SLC4A3: variants seen among roughly 807,000 people sequenced by gnomAD.
The protein encoded by SLC4A3 is solute carrier family 4 member 3, also known as anion exchange protein 3.
Under a neutral mutation model 114.2 loss-of-function variants are expected in SLC4A3, and 47 were observed. That is an observed-to-expected ratio of 0.41 (90% confidence interval 0.33 to 0.52). The LOEUF is 0.52. Ranked by LOEUF, SLC4A3 falls within the 20% of genes least tolerant of loss-of-function variation. The probability of loss-of-function intolerance (pLI) is 0.21; values close to 1 mark genes in which losing one functional copy is unlikely to be tolerated. For synonymous variants in SLC4A3, 693 were observed against 710.3 expected, an observed-to-expected ratio of 0.98 and a Z score of 0.39; for missense variants, 1,312 against 1,668.3, an observed-to-expected ratio of 0.79 and a Z score of 3.72.
chr2:219,640,722 C>T, intron 21 of SLC4A3, 67 bp from the exon 22 acceptor site: 2 of 1,578,934 alleles, frequency 1.3e-6, no homozygotes, highest in African/African-American at 1.3e-5. Context: ...GCCAAATTCC[C>T]CACGATGTGG....
rs1257872595 is a variant in SLC4A3, at chr2:219,631,635, C to T, written c.812-333C>T. Among the ~76,000 whole-genome samples the T allele has an allele frequency of 6.6e-6, 1 of 152,054 alleles. No homozygotes were observed. The highest frequency in any genetic ancestry group is 1.5e-5 in the Non-Finnish European group (1 of 67,994). On this transcript the variant is annotated intron_variant, in intron 6 of 22. Transcript: ENST00000358055. The surrounding 1 kb of genome is among the most constrained non-coding windows in gnomAD (Gnocchi z 6.3). The stretch of plus-strand genomic sequence containing the variant: ...GGCTCAGTGCCTGGGGACTCTGACT[C>T]AGTGCCTGTCATGGGACCCAGATGG...
At position 219,631,990 on chromosome 2, in the gene SLC4A3, T is replaced by C. The variant is rs1379824714; in HGVS notation, c.834T>C (p.Pro278=). The C allele has an allele frequency of 1.9e-6, 3 of 1,611,008 alleles. No individual in the cohort carries two copies. The highest frequency in any genetic ancestry group is 2.5e-6 in the Non-Finnish European group (3 of 1,178,814). Residue 278 remains proline (P), a synonymous_variant, in exon 7 of 23, where the codon CCT becomes CCC. Coordinates refer to ENST00000358055, the MANE Select transcript of SLC4A3 (RefSeq NM_005070.4). This position sits in a 1 kb window ranked among gnomAD's most constrained non-coding sequence, Gnocchi z 6.3. ...DMKSHRLEDN[P]GVRRHLVKKP... ...CAGGTCACCGACTGGAGGACAACCCTGGTGTGCGGCGACACTTAGTGAAAA... is the reference window on the plus strand; with the variant it reads ...CAGGTCACCGACTGGAGGACAACCCCGGTGTGCGGCGACACTTAGTGAAAA...
At position 219,628,458 on chromosome 2, in the gene SLC4A3, C is replaced by T. The variant is rs749799102; in HGVS notation, c.105C>T (p.Asp35=). Residue 35 remains aspartate (D), a synonymous_variant, in exon 3 of 23, where the codon GAC becomes GAT. Coordinates refer to ENST00000358055, the MANE Select transcript of SLC4A3 (RefSeq NM_005070.4). This position sits in a 1 kb window ranked among gnomAD's most constrained non-coding sequence, Gnocchi z 4.8. ...PPLSPDVEEE[D]DDLGKTLAVS... is the part of the protein sequence containing the mutation. Reference sequence around the variant, plus strand: ...TAAGTCCAGACGTGGAGGAGGAGGACGATGACTTGGGCAAGACCTTGGCTG... The same window carrying T: ...TAAGTCCAGACGTGGAGGAGGAGGATGATGACTTGGGCAAGACCTTGGCTG... 4.3e-6 allele frequency: 7 copies of T among 1,613,602 alleles called. No individual in the cohort carries two copies. The highest frequency in any genetic ancestry group is 5.9e-6 in the Non-Finnish European group (7 of 1,179,796).
chr2:219,640,627 C>A, intron 21 of SLC4A3, 28 bp downstream of exon 21: 1 of 1,607,212 alleles, frequency 6.2e-7, no homozygotes, highest in Non-Finnish European at 8.5e-7. Flanking sequence ...GGGGGTAGGG[C>A]AGTGGGGTGA....
rs1698993920 is a variant in SLC4A3 at position 219,633,111 on chromosome 2, G to GT, written c.1277+103dup. On this transcript the variant is annotated intron_variant, in intron 9 of 22. Transcript: ENST00000358055. ...CCCAGCCTCTGCTTGAATGCCACAA[G>GT]TGACAGAGAGCTCATTTCTATCTTT... 5 of 1,451,492 alleles carry GT rather than the reference G, an allele frequency of 3.4e-6. No individual in the cohort carries two copies. In the South Asian group the frequency reaches 5.0e-5, roughly 14 times the overall value. The allele number at this position is 1,451,492 out of a possible 1,614,324, so 89.9% of individuals were successfully genotyped here.
Position 219,640,439 on chromosome 2 carries a change from T to C in SLC4A3, c.3287T>C (p.Ile1096Thr). Reference protein sequence around the residue: ...VLIASLVGLSIVMGAVLRRIP... With the variant: ...VLIASLVGLSTVMGAVLRRIP... ...GTGTCACCTCCTCCAGGCCTGTCCA[T>C]CGTCATGGGGGCTGTGCTGCGTCGG... The change falls in exon 21 of 23, where the codon ATC becomes ACC. Residue 1096 changes from isoleucine (I) to threonine (T), a missense_variant. Transcript: ENST00000358055. 1 of 1,613,128 alleles carries C rather than the reference T, an allele frequency of 6.2e-7. No homozygotes were observed. Among genetic ancestry groups the C allele is most frequent in the Non-Finnish European group, 8.5e-7 (1 of 1,179,442 alleles).
chr2:219,634,312 G>T (rs578012433), intron 11 of SLC4A3, 108 bp from the exon 12 acceptor site: 1 of 1,094,614 alleles, frequency 9.1e-7, no homozygotes, highest in African/African-American at 1.6e-5. Context: ...GTTTCTTTGC[G>T]CAGTTTACAA....
chr2:219,628,208 C>T lies in SLC4A3; in HGVS notation c.51+165C>T, dbSNP rs529475376. ...GGGGGTTTTTGATATTTTCCAGATC[C>T]GTAGCCCTCTCTCTTTACAAGCTCT... On this transcript the variant is annotated intron_variant, in intron 2 of 22. Coordinates refer to ENST00000358055, the MANE Select transcript of SLC4A3 (RefSeq NM_005070.4). The surrounding 1 kb of genome is among the most constrained non-coding windows in gnomAD (Gnocchi z 4.8). Among the ~76,000 whole-genome samples, 14 of 152,190 alleles carry T rather than the reference C, an allele frequency of 9.2e-5. No individual in the cohort carries two copies. In the South Asian group the frequency reaches 1.2e-3, roughly 14 times the overall value.
Position 219,629,373 on chromosome 2 carries a change from G to A in SLC4A3, c.447G>A (p.Glu149=). The change falls in exon 4 of 23, where the codon GAG becomes GAA. Residue 149 remains glutamate, a synonymous_variant. Transcript: ENST00000358055. ...EEEEEEEGES[E]AEPVEPPHSG... is the part of the protein sequence containing the mutation. ...AGGAGGAAGAGGAAGGAGAATCTGA[G>A]GCAGAACCTGTGGAGCCCCCCCACT... 3 of 1,598,734 alleles carry A rather than the reference G, an allele frequency of 1.9e-6. No individual in the cohort carries two copies. Among genetic ancestry groups the A allele is most frequent in the African/African-American group, 1.3e-5 (1 of 74,598 alleles).
At position 219,639,972 on chromosome 2, in the gene SLC4A3, C is replaced by T. The variant is rs1168945681; in HGVS notation, c.3277+237C>T. Among the ~76,000 whole-genome samples the T allele has an allele frequency of 6.6e-6, 1 of 152,184 alleles. No homozygotes were observed. The highest frequency in any genetic ancestry group is 1.5e-5 in the Non-Finnish European group (1 of 68,020). ...TGAGACGGAGTCTCGCTCTGTCACC[C>T]AGGCTGGAGTGCAGTGGCGCGATCT... On this transcript the variant is annotated intron_variant, in intron 20 of 22. Transcript: ENST00000358055. The surrounding 1 kb of genome is among the most constrained non-coding windows in gnomAD (Gnocchi z 5.9).
intron 9 of SLC4A3, 78 bp downstream of exon 9, chr2:219,633,087 C>G: frequency 6.5e-7 from 1 of 1,544,176 alleles, no homozygotes; most frequent in Non-Finnish European, 8.9e-7. Flanking sequence ...CAAGTGGCTC[C>G]CAGCCTCTGC....
chr2:219,630,286 C>T lies in SLC4A3; in HGVS notation c.745C>T (p.Gln249Ter). 1 of 1,613,346 alleles carries T rather than the reference C, an allele frequency of 6.2e-7. No homozygotes were observed. The highest frequency in any genetic ancestry group is 8.5e-7 in the Non-Finnish European group (1 of 1,179,860). ...CCTGGGCAACCCAGGTGGTCCAGAG[C>T]AGCAGGTGCCCACAGATGAGGCGGA... ...SALGNPGGPE[Q>*]QVPTDEAEAQ... is the part of the protein sequence containing the mutation. The change falls in exon 6 of 23, where the codon CAG (glutamine) becomes TAG (stop). Residue 249 changes from glutamine (Q) to a stop codon, truncating the protein, a stop_gained. Coordinates refer to ENST00000358055, the MANE Select transcript of SLC4A3 (RefSeq NM_005070.4). LOFTEE classifies it high-confidence loss of function. The surrounding 1 kb of genome is among the most constrained non-coding windows in gnomAD (Gnocchi z 6.9).
chr2:219,634,031 C>A, intron 11 of SLC4A3, 52 bp downstream of exon 11: 3 of 1,478,722 alleles, frequency 2.0e-6, no homozygotes, highest in Non-Finnish European at 1.8e-6. Flanking sequence ...GTGTGCCTCT[C>A]CTGGGGGCCT....
chr2:219,634,660 C>A, intron 12 of SLC4A3, 56 bp downstream of exon 12: 1 of 1,557,286 alleles, frequency 6.4e-7, no homozygotes, highest in South Asian at 1.2e-5. Context: ...TTACCCCTGT[C>A]CCTCATTGTC....
rs1699337308 is a variant in SLC4A3 at position 219,641,869 on chromosome 2, T to C, written c.*141T>C. Reference sequence around the variant, plus strand: ...ACCACTCCTGATGCCATGGCTAGAGTGGCCCCCCTGACTTCTGCCCGGGGT... The same window carrying C: ...ACCACTCCTGATGCCATGGCTAGAGCGGCCCCCCTGACTTCTGCCCGGGGT... On this transcript the variant is annotated 3_prime_UTR_variant, in exon 23 of 23. Transcript: ENST00000358055. The surrounding 1 kb of genome is among the most constrained non-coding windows in gnomAD (Gnocchi z 4.0). The C allele has an allele frequency of 4.5e-6, 3 of 661,080 alleles. No homozygotes were observed. Among genetic ancestry groups the C allele is most frequent in the Admixed American group, 5.6e-5 (2 of 35,534 alleles). The allele number at this position is 661,080 out of a possible 1,614,324, so 41.0% of individuals were successfully genotyped here. A position where few individuals can be genotyped will look rare whatever the true frequency, so the allele number is the denominator to read the frequency against.
chr2:219,634,779 G>A (rs2106193355), intron 12 of SLC4A3, among the ~76,000 whole-genome samples, 175 bp downstream of exon 12: 1 of 152,290 alleles, frequency 6.6e-6, no homozygotes, highest in African/African-American at 2.4e-5. Flanking sequence ...AGAGCCTTGG[G>A]CTGTGGCTGT....
chr2:219,632,593 G>A (rs1698966048), intron 8 of SLC4A3, 151 bp downstream of exon 8: 12 of 1,005,892 alleles, frequency 1.2e-5, no homozygotes, highest in East Asian at 5.3e-5. Flanking sequence ...TGGGCAGCCC[G>A]TGAGCCCCGA....
At chr2:219,633,220 C>T (rs1241519819) in intron 9 of SLC4A3, 54 bp from the exon 10 acceptor site, 9 of 1,499,244 alleles carry the variant, frequency 6.0e-6, no homozygotes, top group Non-Finnish European at 8.1e-6. Flanking sequence ...CACCTCATGA[C>T]CTCAGTCTAC....
rs999698871 is a variant in SLC4A3, at chr2:219,628,101, G to A, written c.51+58G>A. ...GGGGGAGGAGAGGGGAGGGACCTTA[G>A]GGTGGGCAGAGGAGTCCTCTGGCCG... On this transcript the variant is annotated intron_variant, in intron 2 of 22. Transcript: ENST00000358055. The surrounding 1 kb of genome is among the most constrained non-coding windows in gnomAD (Gnocchi z 4.8). 7.2e-7 allele frequency: 1 copy of A among 1,394,066 alleles called. No individual in the cohort carries two copies. Among genetic ancestry groups the A allele is most frequent in the Non-Finnish European group, 9.6e-7 (1 of 1,041,358 alleles). 86.4% of individuals were successfully genotyped at this position (1,394,066 alleles called of 1,614,324 possible). A position where few individuals can be genotyped will look rare whatever the true frequency, so the allele number is the denominator to read the frequency against.
Sources: gnomAD v4.1 joint callset for allele counts (sites outside exome capture counted in the v4.1 genomes callset) on GRCh38, gnomAD v4.1.1 for gene constraint, Gnocchi (gnomAD v3.1) non-coding constraint, MANE v1.5 for transcripts, NCBI Gene and HGNC (gene_info 2026-07-23, HGNC 2026-07-21) for gene names.